Variants in LRIG1 observed in about 807,000 individuals in gnomAD.
LRIG1 encodes the protein leucine rich repeats and immunoglobulin like domains 1, also known as leucine-rich repeats and immunoglobulin-like domains protein 1.
A neutral mutation model predicts 99.2 loss-of-function variants in LRIG1; 48 were observed. The ratio of observed to expected loss-of-function variants is 0.48; its 90% CI spans 0.38 to 0.62. LRIG1 has a LOEUF of 0.62. Ranked by LOEUF, LRIG1 falls within the 20% of genes least tolerant of loss-of-function variation. The pLI is 0.00. For synonymous variants in LRIG1, 772 were observed against 596.1 expected (o/e 1.29, Z -4.30); for missense variants, 1,646 against 1,434.4 (o/e 1.15, Z -2.38).
Position 66,493,317 on chromosome 3 carries a change from C to T in LRIG1, c.218+6873G>A, listed in dbSNP as rs530539367. Among the ~76,000 whole-genome samples the T allele has an allele frequency of 2.6e-5, 4 of 152,196 alleles. No homozygotes were observed. In the South Asian group the frequency reaches 6.2e-4, roughly 24 times the overall value. ...CTTCCCTGCCACCTTCCCATACCTGCCTCCCTTCCAAAAGGATAGTGGTAA... is the reference window on the plus strand; with the variant it reads ...CTTCCCTGCCACCTTCCCATACCTGTCTCCCTTCCAAAAGGATAGTGGTAA... On this transcript the variant is annotated intron_variant, in intron 1 of 18. Transcript: ENST00000273261.
At chr3:66,493,793 CGAAAGAAAGAAAA>C (rs1369810635) in intron 1 of LRIG1, among the ~76,000 whole-genome samples, 11 of 123,592 alleles carry the variant, frequency 8.9e-5, no homozygotes, top group African/African-American at 1.6e-4. Flanking sequence ...GAAACCCTGT[CGAAAGAAAGAAAA>C]GAAAGAAAGA....
Position 66,383,990 on chromosome 3 carries a change from C to T in LRIG1, c.2071+1G>A, listed in dbSNP as rs1199093669. ...CACACACAGTAGAGCAATAGGCAAACCTAGGACAGTCAGGGTGGCATTAGC... is the reference window on the plus strand; with the variant it reads ...CACACACAGTAGAGCAATAGGCAAATCTAGGACAGTCAGGGTGGCATTAGC... On this transcript the variant is annotated splice_donor_variant, in intron 14 of 18. Transcript: ENST00000273261. LOFTEE classifies it high-confidence loss of function. 6.2e-7 allele frequency: 1 copy of T among 1,604,406 alleles called. No individual in the cohort carries two copies. Among genetic ancestry groups the T allele is most frequent in the Non-Finnish European group, 8.5e-7 (1 of 1,176,446 alleles).
intron 3 of LRIG1, among the ~76,000 whole-genome samples, chr3:66,419,364 A>T (rs1472940667): frequency 6.6e-6 from 1 of 152,112 alleles, no homozygotes; most frequent in African/African-American, 2.4e-5. Context: ...ACTCTGCATA[A>T]AGGACCCTGT....
At chr3:66,380,519 C>G in intron 18 of LRIG1, 30 bp from the exon 19 acceptor site, 1 of 1,613,916 alleles carries the variant, frequency 6.2e-7, no homozygotes. Flanking sequence ...CTGTCAGACC[C>G]CCACTTGACC....
intron 3 of LRIG1, among the ~76,000 whole-genome samples, chr3:66,438,500 T>G (rs1221025202): frequency 6.6e-6 from 1 of 152,138 alleles, no homozygotes; most frequent in African/African-American, 2.4e-5. Flanking sequence ...GAGAAGTGTT[T>G]TGTGAAACGT....
At chr3:66,405,422 C>G (rs1006685573) in intron 8 of LRIG1, 144 bp from the exon 9 acceptor site, 2 of 692,484 alleles carry the variant, frequency 2.9e-6, no homozygotes, top group Non-Finnish European at 5.2e-6. Flanking sequence ...TGAAGAGACA[C>G]GTGGCCCTGG....
chr3:66,449,040 G>T (rs1430266776), intron 3 of LRIG1, among the ~76,000 whole-genome samples: 1 of 152,196 alleles, frequency 6.6e-6, no homozygotes, highest in African/African-American at 2.4e-5. Flanking sequence ...TCATCATGTG[G>T]ATGGGGCTGC....
At chr3:66,402,734 C>T (rs1010131168) in intron 9 of LRIG1, among the ~76,000 whole-genome samples, 6 of 152,152 alleles carry the variant, frequency 3.9e-5, no homozygotes, top group Admixed American at 6.5e-5. Flanking sequence ...TCTAGAGGGG[C>T]GGCTCTTCTC....
At chr3:66,381,720 A>G (rs1408353091) in intron 16 of LRIG1, 89 bp from the exon 17 acceptor site, 10 of 1,445,214 alleles carry the variant, frequency 6.9e-6, no homozygotes, top group African/African-American at 1.4e-5. Context: ...CCGCTAGAAC[A>G]GTCATTTTTT....
rs751917625 is a variant in LRIG1, at chr3:66,379,288, G to A, written c.*975C>T. On this transcript the variant is annotated 3_prime_UTR_variant, in exon 19 of 19. Transcript: ENST00000273261. ...GGAATGGCATGGACAGGCCTGCTCT[G>A]GGTCCTTAGTAGAAATAAGGTAGCC... The A allele has an allele frequency of 3.9e-5, 6 of 152,582 alleles. No homozygotes were observed. The highest frequency in any genetic ancestry group is 6.5e-5 in the Admixed American group (1 of 15,282). The allele number at this position is 152,582 out of a possible 1,614,324, so 9.5% of individuals were successfully genotyped here.
chr3:66,420,175 C>T (rs1702757388), intron 3 of LRIG1, among the ~76,000 whole-genome samples: 1 of 152,046 alleles, frequency 6.6e-6, no homozygotes, highest in Non-Finnish European at 1.5e-5. Context: ...CACAAATGGC[C>T]AAGAAGCACA....
intron 12 of LRIG1, among the ~76,000 whole-genome samples, chr3:66,392,711 T>TA (rs1361386667): frequency 3.9e-5 from 6 of 152,142 alleles, no homozygotes; most frequent in Non-Finnish European, 8.8e-5. Context: ...TAGGTGAACT[T>TA]ACCAAAGTCC....
chr3:66,438,078 G>A (rs1400399270), intron 3 of LRIG1, among the ~76,000 whole-genome samples: 1 of 152,152 alleles, frequency 6.6e-6, no homozygotes, highest in Admixed American at 6.5e-5. Flanking sequence ...GGTGTGGAGT[G>A]GGGAGGGATG....
At chr3:66,443,723 G>C (rs1575696046) in intron 3 of LRIG1, among the ~76,000 whole-genome samples, 1 of 152,162 alleles carries the variant, frequency 6.6e-6, no homozygotes. Context: ...CATAGGACCC[G>C]ATCTGTTTGC....
chr3:66,433,446 T>G (rs1193031242), intron 3 of LRIG1, among the ~76,000 whole-genome samples: 3 of 152,180 alleles, frequency 2.0e-5, no homozygotes, highest in Non-Finnish European at 2.9e-5. Context: ...TTCCCTGAGA[T>G]TCACATGCCA....
chr3:66,433,440 C>T (rs1268184824), intron 3 of LRIG1, among the ~76,000 whole-genome samples: 1 of 152,226 alleles, frequency 6.6e-6, no homozygotes, highest in Non-Finnish European at 1.5e-5. Flanking sequence ...GGCACATTCC[C>T]TGAGATTCAC....
At chr3:66,413,269 G>T (rs1012510655) in intron 5 of LRIG1, among the ~76,000 whole-genome samples, 5 of 152,196 alleles carry the variant, frequency 3.3e-5, no homozygotes, top group African/African-American at 1.2e-4. Context: ...CTCCGAGGCT[G>T]GCCCACAGCT....
rs533336145 is a variant in LRIG1 at position 66,413,337 on chromosome 3, T to C, written c.648-323A>G. On this transcript the variant is annotated intron_variant, in intron 5 of 18. Coordinates refer to ENST00000273261, the MANE Select transcript of LRIG1 (RefSeq NM_015541.3). ...CCTCCCCCAGTAGCACCAGTGCCAT[T>C]TGTGACTCTGCAGTGAGGACGTGGG... Among the ~76,000 whole-genome samples the C allele has an allele frequency of 6.6e-5, 10 of 152,328 alleles. No individual in the cohort carries two copies. The East Asian group carries it at 1.9e-3, about 29-fold the overall frequency.
intron 1 of LRIG1, among the ~76,000 whole-genome samples, chr3:66,499,577 T>C (rs1701306636): frequency 6.6e-6 from 1 of 152,112 alleles, no homozygotes; most frequent in African/African-American, 2.4e-5. Flanking sequence ...TCAGGGGTCC[T>C]CGGGGGAAGA....
Sources: allele counts gnomAD v4.1 joint callset (sites outside exome capture counted in the v4.1 genomes callset), GRCh38; gene constraint gnomAD v4.1.1; transcripts MANE v1.5; gene names NCBI Gene and HGNC (gene_info 2026-07-23, HGNC 2026-07-21).